Variants in PARP11 observed in about 807,000 individuals in gnomAD.
PARP11 encodes the protein poly(ADP-ribose) polymerase family member 11.
In PARP11, 31 loss-of-function variants were observed where a neutral mutation model predicts 42.9. The observed-to-expected ratio is 0.72, with a 90% CI of 0.54 to 0.98. The LOEUF (loss-of-function observed/expected upper bound fraction) is 0.98. PARP11 is among the 50% of genes least tolerant of loss of function. The probability of loss-of-function intolerance (pLI) is 0.00; values close to 1 mark genes in which losing one functional copy is unlikely to be tolerated. For synonymous variants in PARP11, 137 were observed against 127.3 expected, an observed-to-expected ratio of 1.08 and a Z score of -0.51; for missense variants, 365 against 413.1, an observed-to-expected ratio of 0.88 and a Z score of 1.01.
chr12:3,850,089 G>A (rs1338145485), intron 1 of PARP11, among the ~76,000 whole-genome samples: 1 of 151,904 alleles, frequency 6.6e-6, no homozygotes, highest in Non-Finnish European at 1.5e-5. Context: ...CTATATTGGA[G>A]AAGGAAATAA....
intron 5 of PARP11, 37 bp downstream of exon 5, chr12:3,822,048 T>C (rs1947406061): frequency 1.2e-6 from 2 of 1,608,892 alleles, no homozygotes; most frequent in South Asian, 2.2e-5. Context: ...CATTTCCGGT[T>C]TCTTTCATGG....
At position 3,873,256 on chromosome 12, in the gene PARP11, G is replaced by C; in HGVS notation, c.-27C>G. On this transcript the variant is annotated 5_prime_UTR_variant, in exon 1 of 8. Transcript: ENST00000228820. Reference sequence around the variant, plus strand: ...ACGGTGACAAAATCGAGCGGAGAGAGCCTGTGGGAAGGGGCTAGCCGCGGG... The same window carrying C: ...ACGGTGACAAAATCGAGCGGAGAGACCCTGTGGGAAGGGGCTAGCCGCGGG... 1 of 1,549,924 alleles carries C rather than the reference G, an allele frequency of 6.5e-7. No homozygotes were observed.
intron 4 of PARP11, among the ~76,000 whole-genome samples, chr12:3,823,587 T>C (rs1947450940): frequency 6.6e-6 from 1 of 152,160 alleles, no homozygotes; most frequent in African/African-American, 2.4e-5. Flanking sequence ...TACACCATAA[T>C]AATATTTAGC....
intron 6 of PARP11, among the ~76,000 whole-genome samples, chr12:3,818,264 G>A (rs1054765466): frequency 1.3e-5 from 2 of 151,850 alleles, no homozygotes; most frequent in African/African-American, 2.4e-5. Flanking sequence ...CACTTCATTC[G>A]CTGTAGGTGA....
intron 1 of PARP11, among the ~76,000 whole-genome samples, chr12:3,853,789 T>C (rs371721460): frequency 6.6e-5 from 10 of 152,306 alleles, no homozygotes; most frequent in East Asian, 5.8e-4. Context: ...GCAGACCTAA[T>C]AGACATCTAC....
At chr12:3,831,792 A>G (rs1261003820) in intron 1 of PARP11, among the ~76,000 whole-genome samples, 1 of 152,176 alleles carries the variant, frequency 6.6e-6, no homozygotes. Flanking sequence ...TAACCACATA[A>G]TAAAGACAAT....
At chr12:3,839,433 G>T in intron 1 of PARP11, 2 of 1,601,744 alleles carry the variant, frequency 1.2e-6, no homozygotes, top group Non-Finnish European at 1.7e-6. Flanking sequence ...AGGACGGGTC[G>T]TGCCTGTTCC....
chr12:3,848,975 C>G (rs1174655996), intron 1 of PARP11, among the ~76,000 whole-genome samples: 1 of 149,790 alleles, frequency 6.7e-6, no homozygotes, highest in Non-Finnish European at 1.5e-5. Flanking sequence ...AAAAAAAACA[C>G]AAATAATCCA....
chr12:3,873,113 A>T, intron 1 of PARP11, 99 bp downstream of exon 1: 1 of 1,164,482 alleles, frequency 8.6e-7, no homozygotes, highest in Non-Finnish European at 1.3e-6. Context: ...CAACACCCAG[A>T]CTGAAGCGAG....
At chr12:3,827,357 C>A (rs2138039368) in intron 3 of PARP11, among the ~76,000 whole-genome samples, 1 of 152,196 alleles carries the variant, frequency 6.6e-6, no homozygotes, top group East Asian at 1.9e-4. Context: ...GAGCAAGTTT[C>A]CAAAAAGTGT....
intron 1 of PARP11, among the ~76,000 whole-genome samples, chr12:3,855,358 T>C (rs2138103122): frequency 6.6e-6 from 1 of 152,360 alleles, no homozygotes; most frequent in East Asian, 1.9e-4. Context: ...TGTTTGCAGA[T>C]GACATGATTG....
At chr12:3,854,046 A>G (rs551513343) in intron 1 of PARP11, among the ~76,000 whole-genome samples, 8 of 152,354 alleles carry the variant, frequency 5.3e-5, no homozygotes, top group African/African-American at 1.9e-4. Flanking sequence ...CTAGGTAAAT[A>G]ACTAAATGAA....
In PARP11 at chr12:3,812,386, T is replaced by C. The variant is rs751307986; in HGVS notation, c.754A>G (p.Ile252Val). The change falls in exon 8 of 8, where the codon ATA becomes GTA. Residue 252 changes from isoleucine to valine, a missense_variant. Transcript: ENST00000228820. ...ATTTGGAATGTGTTCCCATGCTTTA[T>C]GTCATCTTTGCAGAAACGACTGGAA... ...AYSSRFCKDDIKHGNTFQIHG... is the reference protein window; with the variant it reads ...AYSSRFCKDDVKHGNTFQIHG... 6.2e-7 allele frequency: 1 copy of C among 1,614,194 alleles called. No homozygotes were observed. Among genetic ancestry groups the C allele is most frequent in the South Asian group, 1.1e-5 (1 of 91,076 alleles).
intron 1 of PARP11, among the ~76,000 whole-genome samples, chr12:3,857,906 A>T (rs1014882020): frequency 6.6e-6 from 1 of 152,230 alleles, no homozygotes; most frequent in Non-Finnish European, 1.5e-5. Flanking sequence ...TAAATATAAA[A>T]ATATATTCTT....
Position 3,825,893 on chromosome 12 carries a change from A to AT in PARP11, c.344+264dup, listed in dbSNP as rs531588015. Among the ~76,000 whole-genome samples, 364 of 151,578 alleles carry AT rather than the reference A, an allele frequency of 2.4e-3. 2 individuals are homozygous for AT. Among genetic ancestry groups the AT allele is most frequent in the Non-Finnish European group, 4.7e-3 (319 of 67,830 alleles). On this transcript the variant is annotated intron_variant, in intron 4 of 7. Coordinates refer to ENST00000228820, the MANE Select transcript of PARP11 (RefSeq NM_020367.6). ...AGGCACCTGCCACCACATCCAGCTA[A>AT]TTTTTTTTGTATTTTTAGTAGAGAC...
chr12:3,818,842 G>A (rs1565531538), intron 6 of PARP11, among the ~76,000 whole-genome samples: 1 of 152,100 alleles, frequency 6.6e-6, no homozygotes, highest in African/African-American at 2.4e-5. Flanking sequence ...TCTTCTATTG[G>A]TTTTCTCCCG....
intron 1 of PARP11, chr12:3,839,376 G>A: frequency 1.3e-6 from 2 of 1,549,336 alleles, no homozygotes; most frequent in Non-Finnish European, 8.7e-7. Flanking sequence ...CGACGCCCAT[G>A]GACGCCTATC....
Position 3,842,189 on chromosome 12 carries a change from C to A in PARP11, c.19-12171G>T, listed in dbSNP as rs1947903381. 5.0e-6 allele frequency: 8 copies of A among 1,610,866 alleles called. No individual in the cohort carries two copies. In the Admixed American group the frequency reaches 1.3e-4, roughly 27 times the overall value. On this transcript the variant is annotated intron_variant, in intron 1 of 7. Transcript: ENST00000228820. ...ATCCTAAGACTGCTGCTGATGTGGT[C>A]AGCCCTGGGGCCAACTCTGTGGATA...
chr12:3,867,302 C>T (rs753071853), intron 1 of PARP11, among the ~76,000 whole-genome samples: 12 of 152,048 alleles, frequency 7.9e-5, no homozygotes, highest in Non-Finnish European at 1.5e-4. Context: ...TCAGAGTATG[C>T]GCTCTCAGAT....
Sources: allele counts gnomAD v4.1 joint callset (sites outside exome capture counted in the v4.1 genomes callset), GRCh38; gene constraint gnomAD v4.1.1; transcripts MANE v1.5; gene names NCBI Gene and HGNC (gene_info 2026-07-23, HGNC 2026-07-21).